GPC6: variants seen among roughly 807,000 people sequenced by gnomAD.
GPC6 encodes glypican 6.
Under a neutral mutation model 55.2 loss-of-function variants are expected in GPC6, and 14 were observed. The ratio of observed to expected loss-of-function variants is 0.25; its 90% confidence interval spans 0.17 to 0.40. The LOEUF is 0.40. GPC6 is among the 10% of genes least tolerant of loss of function. The pLI, the probability that GPC6 is intolerant of heterozygous loss-of-function variation, is 1.00. For synonymous variants in GPC6, 278 were observed against 259.6 expected, an observed-to-expected ratio of 1.07 and a Z score of -0.68; for missense variants, 641 against 708.5, an observed-to-expected ratio of 0.90 and a Z score of 1.08.
Position 94,076,965 on chromosome 13 carries a change from T to G in GPC6, c.877+49071T>G, listed in dbSNP as rs554721237. 4.0e-5 allele frequency among the ~76,000 whole-genome samples: 4 copies of G among 100,106 alleles called. No homozygotes were observed. In the South Asian group the frequency reaches 1.1e-3, roughly 27 times the overall value. The allele number at this position is 100,106 out of a possible 152,430, so 65.7% of individuals were successfully genotyped here. On this transcript the variant is annotated intron_variant, in intron 4 of 8. Transcript: ENST00000377047. ...AAGATCACTCTGGTGCTTCTGTTTT[T>G]TTTTTTTTTTTTTGTGGCTTTATAT...
chr13:94,319,628 C>T (rs990442785), intron 6 of GPC6, among the ~76,000 whole-genome samples: 1 of 152,080 alleles, frequency 6.6e-6, no homozygotes, highest in Non-Finnish European at 1.5e-5. Context: ...TGTCTTTTTG[C>T]CCTCATTCTT....
chr13:93,517,053 A>G (rs539785045), intron 1 of GPC6, among the ~76,000 whole-genome samples: 2 of 144,484 alleles, frequency 1.4e-5, no homozygotes, highest in South Asian at 2.3e-4. Context: ...ATTATTTTGA[A>G]CTCACTTGTT....
At chr13:93,432,347 T>C (rs902247143) in intron 1 of GPC6, among the ~76,000 whole-genome samples, 2 of 152,028 alleles carry the variant, frequency 1.3e-5, no homozygotes, top group Non-Finnish European at 2.9e-5. Context: ...GTAAGTGAAA[T>C]GTATTGGCAG....
intron 1 of GPC6, among the ~76,000 whole-genome samples, chr13:93,543,880 C>T (rs1427114930): frequency 6.6e-6 from 1 of 152,102 alleles, no homozygotes; most frequent in Non-Finnish European, 1.5e-5. Flanking sequence ...TTTGAGGAAC[C>T]TCCATACTGT....
At chr13:93,844,982 C>G (rs1414059387) in intron 3 of GPC6, among the ~76,000 whole-genome samples, 1 of 152,068 alleles carries the variant, frequency 6.6e-6, no homozygotes, top group African/African-American at 2.4e-5. Context: ...TCTAAGGGCT[C>G]TGTTCTGTTC....
intron 2 of GPC6, among the ~76,000 whole-genome samples, chr13:93,786,762 TTA>T (rs10609802): frequency 0.34 from 50,983 of 151,836 alleles, 9,082 homozygotes; most frequent in African/African-American, 0.45. Flanking sequence ...GAACAAAAAA[TTA>T]TATATATATG....
chr13:93,970,576 G>C (rs1281068424), intron 3 of GPC6, among the ~76,000 whole-genome samples: 5 of 152,188 alleles, frequency 3.3e-5, no homozygotes, highest in African/African-American at 1.2e-4. Context: ...GCTGCTGGAA[G>C]TCTAAGATTA....
At chr13:94,275,679 G>T (rs1892179905) in intron 4 of GPC6, among the ~76,000 whole-genome samples, 1 of 151,534 alleles carries the variant, frequency 6.6e-6, no homozygotes, top group African/African-American at 2.4e-5. Flanking sequence ...GGTAATTCAT[G>T]AAACAAAAGG....
chr13:94,029,541 A>G (rs1467100177), intron 4 of GPC6, among the ~76,000 whole-genome samples: 1 of 152,210 alleles, frequency 6.6e-6, no homozygotes, highest in African/African-American at 2.4e-5. Context: ...AAGAAATCTA[A>G]AAAGATCTGC....
intron 2 of GPC6, among the ~76,000 whole-genome samples, chr13:93,751,738 G>T (rs766437133): frequency 2.6e-5 from 4 of 151,908 alleles, no homozygotes; most frequent in Non-Finnish European, 5.9e-5. Context: ...CTTGCCCAGG[G>T]TGGTTTCAAA....
intron 2 of GPC6, among the ~76,000 whole-genome samples, chr13:93,551,236 A>G (rs1423566439): frequency 1.3e-5 from 2 of 152,118 alleles, no homozygotes; most frequent in African/African-American, 4.8e-5. Flanking sequence ...ATTGACATTT[A>G]GCATATATCT....
intron 1 of GPC6, among the ~76,000 whole-genome samples, chr13:93,523,281 ATGTG>A (rs565259085): frequency 6.7e-6 from 1 of 149,932 alleles, no homozygotes; most frequent in Non-Finnish European, 1.5e-5. Context: ...ATATTTATAT[ATGTG>A]TGTGTAAATA....
chr13:93,519,998 C>T (rs1881351894), intron 1 of GPC6, among the ~76,000 whole-genome samples: 1 of 151,918 alleles, frequency 6.6e-6, no homozygotes, highest in African/African-American at 2.4e-5. Flanking sequence ...TCTTAATTTT[C>T]TTGCCTATTC....
At chr13:94,218,751 A>G (rs1890295022) in intron 4 of GPC6, among the ~76,000 whole-genome samples, 1 of 152,126 alleles carries the variant, frequency 6.6e-6, no homozygotes, top group South Asian at 2.1e-4. Context: ...CCCAGCCTTT[A>G]CAGCAGTGGC....
chr13:93,732,210 G>C (rs1398823708), intron 2 of GPC6, among the ~76,000 whole-genome samples: 2 of 152,078 alleles, frequency 1.3e-5, no homozygotes, highest in Non-Finnish European at 2.9e-5. Flanking sequence ...TGCTGGGTAG[G>C]AGGCCGGCTC....
chr13:93,328,975 C>T (rs915773795), intron 1 of GPC6, among the ~76,000 whole-genome samples: 1 of 152,052 alleles, frequency 6.6e-6, no homozygotes, highest in East Asian at 1.9e-4. Flanking sequence ...GATTCTGATA[C>T]CCTATATAGG....
chr13:93,618,414 C>T (rs900704291), intron 2 of GPC6, among the ~76,000 whole-genome samples: 4 of 152,002 alleles, frequency 2.6e-5, no homozygotes, highest in Non-Finnish European at 5.9e-5. Flanking sequence ...ATCAGTGAGC[C>T]TCACATACTC....
intron 6 of GPC6, among the ~76,000 whole-genome samples, chr13:94,318,384 A>G (rs1417216685): frequency 6.6e-6 from 1 of 152,158 alleles, no homozygotes; most frequent in Non-Finnish European, 1.5e-5. Context: ...ATACATACAT[A>G]CCTATGATAA....
chr13:93,334,358 A>G (rs4773734), intron 1 of GPC6, among the ~76,000 whole-genome samples: 10,529 of 152,214 alleles, frequency 0.069, 505 homozygotes, highest in East Asian at 0.12. Context: ...CATAGAATTG[A>G]CTAATCAAAG....
Sources: allele counts gnomAD v4.1 joint callset (sites outside exome capture counted in the v4.1 genomes callset), GRCh38; gene constraint gnomAD v4.1.1; transcripts MANE v1.5; gene names NCBI Gene and HGNC (gene_info 2026-07-23, HGNC 2026-07-21).